Variants in SMCHD1 observed in about 807,000 individuals in gnomAD.
The protein encoded by SMCHD1 is structural maintenance of chromosomes flexible hinge domain containing 1.
In SMCHD1, 78 loss-of-function variants were observed where a neutral mutation model predicts 254.7. That is an observed-to-expected ratio of 0.31 (90% CI 0.26 to 0.37). The LOEUF is 0.37. SMCHD1 is among the 10% of genes least tolerant of loss of function. The pLI, the probability that SMCHD1 is intolerant of heterozygous loss-of-function variation, is 1.00. For synonymous variants in SMCHD1, 766 were observed against 794.9 expected (o/e 0.96, Z 0.61); for missense variants, 1,840 against 2,408.1 (o/e 0.76, Z 4.94).
chr18:2,786,097 T>C (rs1001581035), intron 45 of SMCHD1, among the ~76,000 whole-genome samples: 2 of 152,104 alleles, frequency 1.3e-5, no homozygotes, highest in Admixed American at 6.5e-5. Context: ...CACTGCAACC[T>C]CGGTCTCCCG....
In SMCHD1 at chr18:2,738,541, G is replaced by C. The variant is rs367884971; in HGVS notation, c.3421G>C (p.Val1141Leu). The C allele has an allele frequency of 1.2e-5, 20 of 1,610,644 alleles. No individual in the cohort carries two copies. Among genetic ancestry groups the C allele is most frequent in the Non-Finnish European group, 1.7e-5 (20 of 1,178,474 alleles). The change falls in exon 26 of 48, where the codon GTA becomes CTA. Residue 1141 changes from valine to leucine, a missense_variant. Val to Leu is a conservative substitution (Grantham distance 32). Transcript: ENST00000320876. Reference protein sequence around the residue: ...DHVSLESAFTVRPLPDEPKHL... With the variant: ...DHVSLESAFTLRPLPDEPKHL... ...TGTGTCTTTGGAAAGTGCGTTTACA[G>C]TAAGGTTTGTGGACTCATTATATTT...
intron 17 of SMCHD1, among the ~76,000 whole-genome samples, chr18:2,708,959 G>T (rs1428520610): frequency 7.6e-6 from 1 of 131,612 alleles, no homozygotes; most frequent in African/African-American, 2.9e-5. Flanking sequence ...TCATATTGTT[G>T]TGCAACCATT....
At chr18:2,711,645 G>A (rs1185373900) in intron 17 of SMCHD1, among the ~76,000 whole-genome samples, 2 of 151,232 alleles carry the variant, frequency 1.3e-5, no homozygotes, top group Non-Finnish European at 3.0e-5. Flanking sequence ...ACTACGCCCG[G>A]CTAATTTTTT....
In SMCHD1 at chr18:2,745,492, A is replaced by G. The variant is rs181968954; in HGVS notation, c.3801+1564A>G. 2.9e-3 allele frequency among the ~76,000 whole-genome samples: 437 copies of G among 152,370 alleles called. 3 individuals are homozygous for G. The highest frequency in any genetic ancestry group is 4.0e-3 in the Non-Finnish European group (275 of 68,036). On this transcript the variant is annotated intron_variant, in intron 29 of 47. Coordinates refer to ENST00000320876, the MANE Select transcript of SMCHD1 (RefSeq NM_015295.3). ...TAAACTGGTTGTGACAGTGTGCTTTATAAAACACAGTTTTTAGAATAATAG... is the reference window on the plus strand; with the variant it reads ...TAAACTGGTTGTGACAGTGTGCTTTGTAAAACACAGTTTTTAGAATAATAG...
intron 7 of SMCHD1, among the ~76,000 whole-genome samples, chr18:2,692,059 G>T (rs2074191606): frequency 6.6e-6 from 1 of 152,178 alleles, no homozygotes; most frequent in African/African-American, 2.4e-5. Flanking sequence ...ACATCTAATT[G>T]GTGAAAACTA....
chr18:2,784,842 T>TAC, intron 45 of SMCHD1: 1 of 558,834 alleles, frequency 1.8e-6, no homozygotes, highest in South Asian at 1.5e-5. Flanking sequence ...TTCTTATATG[T>TAC]AGTGCATGCC....
chr18:2,673,364 G>A lies in SMCHD1; in HGVS notation c.507+1G>A. ...GGTTAGAAGAATACAGATCAAATTG[G>A]TAAGGAAATAATACTGTAAAGCAAT... is the stretch of plus-strand genomic sequence containing the variant. On this transcript the variant is annotated splice_donor_variant, in intron 4 of 47. Transcript: ENST00000320876. LOFTEE classifies it high-confidence loss of function. 1 of 1,510,210 alleles carries A rather than the reference G, an allele frequency of 6.6e-7. No homozygotes were observed. Among genetic ancestry groups the A allele is most frequent in the South Asian group, 1.3e-5 (1 of 75,632 alleles). The allele number at this position is 1,510,210 out of a possible 1,614,324, so 93.6% of individuals were successfully genotyped here.
At chr18:2,749,990 T>TGA in intron 30 of SMCHD1, 53 bp from the exon 31 acceptor site, 1 of 1,443,658 alleles carries the variant, frequency 6.9e-7, no homozygotes, top group Non-Finnish European at 9.4e-7. Flanking sequence ...GAAAAGAACT[T>TGA]GATTGATCTC....
chr18:2,772,406 C>A, intron 41 of SMCHD1, 34 bp downstream of exon 41: 1 of 1,484,398 alleles, frequency 6.7e-7, no homozygotes, highest in African/African-American at 1.4e-5. Flanking sequence ...AAAGGCAGTA[C>A]ATTTTATTAT....
At chr18:2,719,725 G>C (rs2074884016) in intron 19 of SMCHD1, among the ~76,000 whole-genome samples, 1 of 150,094 alleles carries the variant, frequency 6.7e-6, no homozygotes, top group Non-Finnish European at 1.5e-5. Context: ...GCCCAGGCTG[G>C]AGTGCAATGG....
intron 28 of SMCHD1, 35 bp from the exon 29 acceptor site, chr18:2,743,726 C>A (rs59023685): frequency 6.0e-6 from 9 of 1,509,098 alleles, no homozygotes; most frequent in African/African-American, 4.2e-5. Context: ...CTAAGTGATA[C>A]CCCCTGTCTT....
Position 2,685,346 on chromosome 18 carries a change from A to G in SMCHD1, c.639-3048A>G, listed in dbSNP as rs560033652. Among the ~76,000 whole-genome samples, 319 of 151,696 alleles carry G rather than the reference A, an allele frequency of 2.1e-3. 1 individual carries two copies. Among genetic ancestry groups the G allele is most frequent in the African/African-American group, 7.1e-3 (295 of 41,398 alleles). ...GATCTCCTGACCTCGTGATCCGCCC[A>G]CCTCGGCCTCCCAAAGTGCTGGGAT... On this transcript the variant is annotated intron_variant, in intron 5 of 47. Transcript: ENST00000320876.
intron 30 of SMCHD1, among the ~76,000 whole-genome samples, chr18:2,749,027 G>GA (rs1403175158): frequency 6.6e-6 from 1 of 152,138 alleles, no homozygotes. Context: ...AATTACAGTT[G>GA]GAGTTTTTAA....
At chr18:2,781,513 A>C (rs2076156281) in intron 44 of SMCHD1, among the ~76,000 whole-genome samples, 1 of 152,224 alleles carries the variant, frequency 6.6e-6, no homozygotes, top group Admixed American at 6.5e-5. Flanking sequence ...ATTGAAAATG[A>C]GAGCAAATAT....
intron 17 of SMCHD1, among the ~76,000 whole-genome samples, chr18:2,711,903 G>A (rs2074685207): frequency 6.6e-6 from 1 of 152,094 alleles, no homozygotes; most frequent in South Asian, 2.1e-4. Context: ...TTTCCCATGA[G>A]AGCTGGTTGT....
intron 5 of SMCHD1, among the ~76,000 whole-genome samples, chr18:2,682,448 A>T (rs534309200): frequency 6.6e-6 from 1 of 151,692 alleles, no homozygotes; most frequent in Non-Finnish European, 1.5e-5. Flanking sequence ...TCAGCCACCC[A>T]AGTAGCTGGG....
chr18:2,741,508 C>G (rs978892368), intron 28 of SMCHD1, among the ~76,000 whole-genome samples: 1 of 152,164 alleles, frequency 6.6e-6, no homozygotes, highest in Non-Finnish European at 1.5e-5. Context: ...ACAGAGCAGT[C>G]ACAAAAATAA....
intron 25 of SMCHD1, among the ~76,000 whole-genome samples, chr18:2,734,322 T>A (rs545748575): frequency 2.4e-4 from 36 of 152,268 alleles, no homozygotes; most frequent in Admixed American, 8.5e-4. Flanking sequence ...CCTCCTCTCT[T>A]AAGAAGTTTA....
intron 22 of SMCHD1, among the ~76,000 whole-genome samples, chr18:2,727,701 T>C (rs922751953): frequency 6.6e-6 from 1 of 152,036 alleles, no homozygotes; most frequent in African/African-American, 2.4e-5. Context: ...AAAATGGGGA[T>C]GATGATAATA....
Sources: allele counts gnomAD v4.1 joint callset (sites outside exome capture counted in the v4.1 genomes callset), GRCh38; gene constraint gnomAD v4.1.1; transcripts MANE v1.5; gene names NCBI Gene and HGNC (gene_info 2026-07-23, HGNC 2026-07-21).